Variants in ELMO1 observed in about 807,000 individuals in gnomAD.
ELMO1 encodes the protein engulfment and cell motility 1.
A neutral mutation model predicts 98.9 loss-of-function variants in ELMO1; 26 were observed. The observed-to-expected ratio is 0.26, with a 90% CI of 0.19 to 0.36. ELMO1 has a LOEUF of 0.36. Among genes scored for constraint, ELMO1 ranks in the 10% least tolerant of loss-of-function variants. The pLI, the probability that ELMO1 is intolerant of heterozygous loss-of-function variation, is 1.00. For missense variants in ELMO1, 627 were observed against 935.2 expected, an observed-to-expected ratio of 0.67 and a Z score of 4.30; for synonymous variants, 346 against 346.0, an observed-to-expected ratio of 1.00 and a Z score of 0.00.
rs144576099 is a variant in ELMO1 at position 37,314,368 on chromosome 7, C to T, written c.192+482G>A. ...CACAAATCCCTCCTTCTCCTTTAAT[C>T]TTGCTAAAAAAGATTTAAAATCACC... On this transcript the variant is annotated intron_variant, in intron 4 of 21. Coordinates refer to ENST00000310758, the MANE Select transcript of ELMO1 (RefSeq NM_014800.11). 3.3e-5 allele frequency among the ~76,000 whole-genome samples: 5 copies of T among 152,226 alleles called. No homozygotes were observed. In the East Asian group the frequency reaches 9.7e-4, roughly 29 times the overall value.
At chr7:37,389,473 T>C (rs943002253) in intron 1 of ELMO1, among the ~76,000 whole-genome samples, 2 of 152,248 alleles carry the variant, frequency 1.3e-5, no homozygotes, top group African/African-American at 4.8e-5. Flanking sequence ...TTGATGCACA[T>C]GTAGACCAGT....
chr7:37,292,765 C>T (rs1384540798), intron 4 of ELMO1, among the ~76,000 whole-genome samples: 6 of 103,384 alleles, frequency 5.8e-5, no homozygotes, highest in East Asian at 2.9e-4. Flanking sequence ...CCCGGCCAGC[C>T]ACCCCGTCTG....
intron 16 of ELMO1, among the ~76,000 whole-genome samples, chr7:36,950,281 G>A (rs1329601638): frequency 6.6e-6 from 1 of 152,196 alleles, no homozygotes; most frequent in Non-Finnish European, 1.5e-5. Context: ...TCAGCCCTGT[G>A]AGCAAGACTC....
chr7:36,917,124 T>C (rs1486914615), intron 16 of ELMO1, among the ~76,000 whole-genome samples: 1 of 152,216 alleles, frequency 6.6e-6, no homozygotes, highest in Non-Finnish European at 1.5e-5. Context: ...GCTTTTAAAA[T>C]ATGAATAACA....
chr7:37,364,454 C>T (rs1184021208), intron 1 of ELMO1, among the ~76,000 whole-genome samples: 1 of 152,216 alleles, frequency 6.6e-6, no homozygotes, highest in Non-Finnish European at 1.5e-5. Flanking sequence ...TTTTTGCTTT[C>T]ACCTAAATAC....
intron 16 of ELMO1, among the ~76,000 whole-genome samples, chr7:36,955,719 A>T (rs990317047): frequency 6.6e-6 from 1 of 152,248 alleles, no homozygotes; most frequent in East Asian, 1.9e-4. Context: ...CAGGGTCCCA[A>T]AGTCTACCCT....
At chr7:36,986,152 C>T in intron 16 of ELMO1, 1 of 986,546 alleles carries the variant, frequency 1.0e-6, no homozygotes, top group African/African-American at 1.7e-5. Flanking sequence ...AAGCATGTAG[C>T]TTTGCTTATG....
At chr7:36,970,577 T>C (rs1401863439) in intron 16 of ELMO1, among the ~76,000 whole-genome samples, 1 of 152,234 alleles carries the variant, frequency 6.6e-6, no homozygotes, top group Non-Finnish European at 1.5e-5. Flanking sequence ...TGTATTCTTT[T>C]TGAATTCCTT....
chr7:37,155,740 T>C (rs1053672035), intron 13 of ELMO1, among the ~76,000 whole-genome samples: 1 of 151,950 alleles, frequency 6.6e-6, no homozygotes, highest in Non-Finnish European at 1.5e-5. Context: ...CTTTAACACC[T>C]CACTGTCAAT....
At chr7:37,421,174 C>G (rs1804455937) in intron 1 of ELMO1, among the ~76,000 whole-genome samples, 1 of 152,216 alleles carries the variant, frequency 6.6e-6, no homozygotes, top group Non-Finnish European at 1.5e-5. Flanking sequence ...TGCAAAGGAG[C>G]ACAGATGTTC....
At chr7:37,236,605 T>C (rs370299176) in intron 7 of ELMO1, among the ~76,000 whole-genome samples, 16 of 152,212 alleles carry the variant, frequency 1.1e-4, no homozygotes, top group East Asian at 9.6e-4. Flanking sequence ...TATTACATAA[T>C]ATTCTGTATT....
At chr7:36,962,581 T>C (rs1387851106) in intron 16 of ELMO1, among the ~76,000 whole-genome samples, 2 of 151,512 alleles carry the variant, frequency 1.3e-5, no homozygotes, top group African/African-American at 2.4e-5. Flanking sequence ...TGGTGACTAA[T>C]TGGATGTGGT....
At chr7:36,968,215 C>T (rs1789611257) in intron 16 of ELMO1, among the ~76,000 whole-genome samples, 1 of 152,042 alleles carries the variant, frequency 6.6e-6, no homozygotes, top group African/African-American at 2.4e-5. Context: ...ATCATCAGCT[C>T]ACTCCAATGA....
intron 13 of ELMO1, among the ~76,000 whole-genome samples, chr7:37,135,469 G>T (rs1006025808): frequency 6.6e-6 from 1 of 152,178 alleles, no homozygotes; most frequent in Non-Finnish European, 1.5e-5. Flanking sequence ...CCCGCACAGA[G>T]TCCACTTCAC....
At chr7:36,878,231 A>T in intron 18 of ELMO1, 114 bp from the exon 19 acceptor site, 2 of 766,684 alleles carry the variant, frequency 2.6e-6, no homozygotes, top group Non-Finnish European at 2.1e-6. Flanking sequence ...TTTGATTTTA[A>T]GTCTTGAGGA....
In ELMO1 at chr7:37,200,701, C is replaced by T. The variant is rs556834016; in HGVS notation, c.1086+10685G>A. ...CCCTTTATGGCCAGGCGCCATGGCT[C>T]ACACCTGTAATCCAAGCACCTTGGG... On this transcript the variant is annotated intron_variant, in intron 13 of 21. Coordinates refer to ENST00000310758, the MANE Select transcript of ELMO1 (RefSeq NM_014800.11). 3.9e-5 allele frequency among the ~76,000 whole-genome samples: 6 copies of T among 152,276 alleles called. No individual in the cohort carries two copies. In the East Asian group the frequency reaches 9.7e-4, roughly 25 times the overall value.
At chr7:37,023,833 C>T (rs1173096760) in intron 15 of ELMO1, among the ~76,000 whole-genome samples, 2 of 152,136 alleles carry the variant, frequency 1.3e-5, no homozygotes, top group African/African-American at 4.8e-5. Context: ...ATCTGCCCAC[C>T]TCAGCCTCTC....
chr7:36,875,993 G>A (rs1051423007), intron 19 of ELMO1, among the ~76,000 whole-genome samples: 5 of 152,160 alleles, frequency 3.3e-5, no homozygotes, highest in Admixed American at 6.5e-5. Context: ...GACCATATGG[G>A]GAGTCAAGCT....
chr7:37,127,449 C>G (rs1418236480), intron 14 of ELMO1, among the ~76,000 whole-genome samples: 2 of 152,178 alleles, frequency 1.3e-5, no homozygotes, highest in Non-Finnish European at 2.9e-5. Flanking sequence ...CTGGAAGAAG[C>G]CTGAGATTTG....
Sources: allele counts gnomAD v4.1 joint callset (sites outside exome capture counted in the v4.1 genomes callset), GRCh38; gene constraint gnomAD v4.1.1; transcripts MANE v1.5; gene names NCBI Gene and HGNC (gene_info 2026-07-23, HGNC 2026-07-21).